The following MYG1 variants were observed in gnomAD, a reference collection of about 807,000 sequenced individuals.
The protein encoded by MYG1 is MYG1 exonuclease.
A neutral mutation model predicts 43.5 loss-of-function variants in MYG1; 36 were observed. The ratio of observed to expected loss-of-function variants is 0.83; its 90% CI spans 0.63 to 1.09. The LOEUF is 1.09. MYG1 is among the 50% of genes least tolerant of loss of function. The probability of loss-of-function intolerance (pLI) is 0.00; values close to 1 mark genes in which losing one functional copy is unlikely to be tolerated. For synonymous variants in MYG1, 220 were observed against 202.8 expected (o/e 1.08, Z -0.72); for missense variants, 529 against 495.1 (o/e 1.07, Z -0.65).
intron 3 of MYG1, 74 bp downstream of exon 3, chr12:53,303,267 A>G: frequency 1.3e-6 from 2 of 1,535,030 alleles, no homozygotes; most frequent in Non-Finnish European, 1.8e-6. Flanking sequence ...CTCACACAGC[A>G]CTCAGCACTG....
chr12:53,306,048 C>T lies in MYG1; in HGVS notation c.630C>T (p.Asp210=), dbSNP rs375977138. ...ARLNPTWNHP[D]QDTEAGFKRA... ...TTAATCCTACCTGGAACCACCCCGA[C>T]CAAGACACTGAGGTAAGGTGGCCTG... The change falls in exon 4 of 7, where the codon GAC becomes GAT. Residue 210 remains aspartate (D), a synonymous_variant. Transcript: ENST00000267103. 42 of 1,613,086 alleles carry T rather than the reference C, an allele frequency of 2.6e-5. No individual in the cohort carries two copies. The highest frequency in any genetic ancestry group is 2.9e-5 in the Non-Finnish European group (34 of 1,179,534).
In MYG1 at chr12:53,306,677, C is replaced by G. The variant is rs1565774889; in HGVS notation, c.766-3C>G. ...CCTTCTAGCTATGCTCTCCCTCTTT[C>G]AGGTGGACCCAAGTGGAGAGATTGT... On this transcript the variant is annotated splice_region_variant and splice_polypyrimidine_tract_variant and intron_variant, in intron 5 of 6. Coordinates refer to ENST00000267103, the MANE Select transcript of MYG1 (RefSeq NM_021640.4). 22 of 1,611,388 alleles carry G rather than the reference C, an allele frequency of 1.4e-5. No homozygotes were observed. The highest frequency in any genetic ancestry group is 1.8e-5 in the Non-Finnish European group (21 of 1,178,654).
chr12:53,301,747 G>GGC (rs1944234220), intron 2 of MYG1, among the ~76,000 whole-genome samples: 4 of 152,166 alleles, frequency 2.6e-5, no homozygotes, highest in East Asian at 3.9e-4. Context: ...GGAGTGCAGT[G>GGC]ATGTGATCTC....
In MYG1 at chr12:53,299,695, C is replaced by A. The variant is rs1424818956; in HGVS notation, c.-43C>A. 4.7e-5 allele frequency: 73 copies of A among 1,550,046 alleles called. No homozygotes were observed. Among genetic ancestry groups the A allele is most frequent in the Non-Finnish European group, 6.4e-5 (73 of 1,140,222 alleles). On this transcript the variant is annotated 5_prime_UTR_variant, in exon 1 of 7. Transcript: ENST00000267103. The stretch of plus-strand genomic sequence containing the variant: ...GGAAGTGGGGCTGCGCTGGCGCTTC[C>A]TCTTCCGGGTCGGCGCTCCTGCCTC...
In MYG1 at chr12:53,306,880, A is replaced by C; in HGVS notation, c.947+19A>C. The C allele has an allele frequency of 6.2e-7, 1 of 1,609,658 alleles. No individual in the cohort carries two copies. Among genetic ancestry groups the C allele is most frequent in the Non-Finnish European group, 8.5e-7 (1 of 1,177,476 alleles). On this transcript the variant is annotated intron_variant, in intron 6 of 6. Transcript: ENST00000267103. The stretch of plus-strand genomic sequence containing the variant: ...AAAGCCGGTGAGGCCCTAGGGAACC[A>C]CTCTGCAGACCTTCAGGCTTGTCTC...
intron 2 of MYG1, among the ~76,000 whole-genome samples, chr12:53,302,726 C>T (rs1194210706): frequency 6.6e-6 from 1 of 152,012 alleles, no homozygotes; most frequent in Admixed American, 6.6e-5. Flanking sequence ...CTCTTTCACC[C>T]CTTGTCTATC....
chr12:53,305,315 G>C (rs1051278074), intron 3 of MYG1, among the ~76,000 whole-genome samples: 4 of 152,080 alleles, frequency 2.6e-5, no homozygotes, highest in African/African-American at 9.7e-5. Context: ...GGGTAATTTT[G>C]CATAAAGTTT....
chr12:53,306,909 CTTG>C (rs369983586), intron 6 of MYG1, 48 bp downstream of exon 6: 1 of 1,606,268 alleles, frequency 6.2e-7, no homozygotes, highest in Non-Finnish European at 8.5e-7. Context: ...TTGTCTCAGC[CTTG>C]TTAAGAGAAG....
chr12:53,306,629 C>T (rs1475326170), intron 5 of MYG1, 51 bp from the exon 6 acceptor site: 1 of 1,558,686 alleles, frequency 6.4e-7, no homozygotes, highest in Non-Finnish European at 8.7e-7. Flanking sequence ...CAAACATGAT[C>T]ACCATGCCCA....
chr12:53,301,201 A>G (rs977043176), intron 2 of MYG1, among the ~76,000 whole-genome samples: 3 of 152,096 alleles, frequency 2.0e-5, no homozygotes, highest in African/African-American at 7.2e-5. Context: ...TACAGGTGTG[A>G]GCCACTGTTG....
rs2121052835 is a variant in MYG1 at position 53,299,949 on chromosome 12, A to G, written c.212A>G (p.Tyr71Cys). Residue 71 changes from tyrosine (Y) to cysteine (C), a missense_variant, in exon 1 of 7, where the codon TAC becomes TGC. Physicochemically the swap from Tyr to Cys is radical, Grantham distance 194. Transcript: ENST00000267103. ...GCACTGCTTCGCCTCCTGCCGGAGT[A>G]CCGGGTACGGTCCGCGAAAAGTGAC... ...ACALLRLLPE[Y>C]RDAEIVRTRD... The G allele has an allele frequency of 6.2e-7, 1 of 1,614,188 alleles. No homozygotes were observed. The highest frequency in any genetic ancestry group is 8.5e-7 in the Non-Finnish European group (1 of 1,180,044).
At chr12:53,306,373 A>G (rs978071486) in intron 5 of MYG1, 53 bp downstream of exon 5, 4 of 1,605,514 alleles carry the variant, frequency 2.5e-6, no homozygotes, top group Non-Finnish European at 3.4e-6. Context: ...CTGCCAATCA[A>G]CAGGAACTCC....
chr12:53,305,587 CAG>C (rs548993580), intron 3 of MYG1: 13 of 199,564 alleles, frequency 6.5e-5, no homozygotes, highest in Non-Finnish European at 1.1e-4. Context: ...CCCACTCCCA[CAG>C]AGAGCCTCTA....
intron 3 of MYG1, 134 bp downstream of exon 3, chr12:53,303,327 T>G: frequency 1.1e-6 from 1 of 941,844 alleles, no homozygotes; most frequent in Non-Finnish European, 1.5e-6. Context: ...ACTCATCCTC[T>G]CCCTCAGTCA....
intron 4 of MYG1, 53 bp from the exon 5 acceptor site, chr12:53,306,145 A>C: frequency 1.9e-6 from 3 of 1,613,004 alleles, no homozygotes. Flanking sequence ...CCTAAGCCCT[A>C]GCAAATTCCA....
In MYG1 at chr12:53,306,979, G is replaced by C; in HGVS notation, c.961G>C (p.Glu321Gln). 6.2e-7 allele frequency: 1 copy of C among 1,613,802 alleles called. No homozygotes were observed. The highest frequency in any genetic ancestry group is 8.5e-7 in the Non-Finnish European group (1 of 1,179,812). ...CTTTCTGCCCAGGCTGCCCCTGCCA[G>C]AGCCATGGCGGGGTCTTCGGGACGA... ...HSFQSRLPLPEPWRGLRDEAL... is the reference protein window; with the variant it reads ...HSFQSRLPLPQPWRGLRDEAL... The change falls in exon 7 of 7, where the codon GAG (glutamate) becomes CAG (glutamine). Residue 321 changes from glutamate (E) to glutamine (Q), a missense_variant. Transcript: ENST00000267103.
Position 53,305,861 on chromosome 12 carries a change from A to G in MYG1, c.490-47A>G, listed in dbSNP as rs919643247. ...TACTTTGAATCATGTAAGATTTCAC[A>G]TAAGTAGCAGGTAGCCTCAAGAAGG... is the stretch of plus-strand genomic sequence containing the variant. On this transcript the variant is annotated intron_variant, in intron 3 of 6. Coordinates refer to ENST00000267103, the MANE Select transcript of MYG1 (RefSeq NM_021640.4). 2.3e-5 allele frequency: 36 copies of G among 1,540,860 alleles called. No homozygotes were observed. The Admixed American group carries it at 3.9e-4, about 16-fold the overall frequency.
chr12:53,301,747 G>C (rs894379541), intron 2 of MYG1, among the ~76,000 whole-genome samples: 1 of 152,104 alleles, frequency 6.6e-6, no homozygotes, highest in Non-Finnish European at 1.5e-5. Context: ...GGAGTGCAGT[G>C]ATGTGATCTC....
chr12:53,301,753 A>G (rs1045538144), intron 2 of MYG1, among the ~76,000 whole-genome samples: 1 of 151,044 alleles, frequency 6.6e-6, no homozygotes, highest in African/African-American at 2.4e-5. Flanking sequence ...CAGTGATGTG[A>G]TCTCGACTCA....
Sources: gnomAD v4.1 joint callset for allele counts (sites outside exome capture counted in the v4.1 genomes callset) on GRCh38, gnomAD v4.1.1 for gene constraint, MANE v1.5 for transcripts, NCBI Gene and HGNC (gene_info 2026-07-23, HGNC 2026-07-21) for gene names.